PCLO: variants seen among roughly 807,000 people sequenced by gnomAD.
PCLO encodes the protein piccolo presynaptic cytomatrix protein.
Under a neutral mutation model 427.5 loss-of-function variants are expected in PCLO, and 82 were observed. The observed-to-expected ratio is 0.19, with a 90% CI of 0.16 to 0.23. The LOEUF is 0.23. Among genes scored for constraint, PCLO ranks in the 10% least tolerant of loss-of-function variants. The pLI, the probability that PCLO is intolerant of heterozygous loss-of-function variation, is 1.00. For missense variants in PCLO, 6,239 were observed against 6,115.9 expected, an observed-to-expected ratio of 1.02 and a Z score of -0.67; for synonymous variants, 2,357 against 2,155.4, an observed-to-expected ratio of 1.09 and a Z score of -2.59.
Position 83,001,451 on chromosome 7 carries a change from G to GA in PCLO, c.3301-34965dup, listed in dbSNP as rs201764463. 2.8e-3 allele frequency among the ~76,000 whole-genome samples: 419 copies of GA among 148,642 alleles called. 2 individuals carry two copies. The highest frequency in any genetic ancestry group is 9.7e-3 in the African/African-American group (391 of 40,258). ...GAATACATTAGCAGGTATGTCTAATGAAAAAAAAATCAAGGCTGTGCTGAA... is the reference window on the plus strand; with the variant it reads ...GAATACATTAGCAGGTATGTCTAATGAAAAAAAAAATCAAGGCTGTGCTGAA... On this transcript the variant is annotated intron_variant, in intron 3 of 24. Coordinates refer to ENST00000333891, the MANE Select transcript of PCLO (RefSeq NM_033026.6).
At chr7:83,026,753 G>A (rs1788509752) in intron 3 of PCLO, among the ~76,000 whole-genome samples, 1 of 151,602 alleles carries the variant, frequency 6.6e-6, no homozygotes, top group Non-Finnish European at 1.5e-5. Context: ...ATAACAAACT[G>A]TCTCTCAGAC....
intron 10 of PCLO, among the ~76,000 whole-genome samples, chr7:82,872,827 T>C (rs1458882802): frequency 2.6e-5 from 4 of 152,164 alleles, no homozygotes; most frequent in Non-Finnish European, 2.9e-5. Flanking sequence ...TAGAGTTACA[T>C]GTACGTTTTG....
chr7:83,031,599 G>C lies in PCLO; in HGVS notation c.3301-65112C>G, dbSNP rs574149044. On this transcript the variant is annotated intron_variant, in intron 3 of 24. Transcript: ENST00000333891. ...GTCTGAACAAATGGAAAGACATTCAGAACAGTCTTCAGAATCAGATTCTAA... is the reference window on the plus strand; with the variant it reads ...GTCTGAACAAATGGAAAGACATTCACAACAGTCTTCAGAATCAGATTCTAA... Among the ~76,000 whole-genome samples, 6 of 152,244 alleles carry C rather than the reference G, an allele frequency of 3.9e-5. No individual in the cohort carries two copies. In the South Asian group the frequency reaches 1.2e-3, roughly 32 times the overall value.
At chr7:82,874,170 A>AC (rs1275939727) in intron 10 of PCLO, among the ~76,000 whole-genome samples, 28 of 140,464 alleles carry the variant, frequency 2.0e-4, no homozygotes, top group African/African-American at 7.2e-4. Context: ...TTGAAAACAA[A>AC]GGTTTTTTTT....
At chr7:83,047,002 G>C (rs528386442) in intron 3 of PCLO, among the ~76,000 whole-genome samples, 44 of 152,118 alleles carry the variant, frequency 2.9e-4, no homozygotes, top group Non-Finnish European at 5.2e-4. Context: ...GCTAGGTATA[G>C]TATCTTAACC....
At chr7:82,790,352 C>T (rs1001945747) in intron 22 of PCLO, among the ~76,000 whole-genome samples, 1 of 152,132 alleles carries the variant, frequency 6.6e-6, no homozygotes. Flanking sequence ...CTATCTTGCA[C>T]TACTCCCTCC....
At chr7:83,095,441 T>C (rs1282285545) in intron 3 of PCLO, among the ~76,000 whole-genome samples, 2 of 151,856 alleles carry the variant, frequency 1.3e-5, no homozygotes, top group Non-Finnish European at 1.5e-5. Flanking sequence ...TGATTCCTGC[T>C]CTTTATTATT....
At chr7:82,788,794 A>C (rs1791038862) in intron 22 of PCLO, among the ~76,000 whole-genome samples, 1 of 151,814 alleles carries the variant, frequency 6.6e-6, no homozygotes, top group African/African-American at 2.4e-5. Flanking sequence ...AAGTAACATA[A>C]AATTGTGTAT....
Position 82,945,116 on chromosome 7 carries a change from G to C in PCLO, c.11112+4360C>G, listed in dbSNP as rs151009952. Among the ~76,000 whole-genome samples the C allele has an allele frequency of 4.6e-4, 70 of 152,066 alleles. 1 individual carries two copies. The highest frequency in any genetic ancestry group is 1.6e-3 in the African/African-American group (67 of 41,504). ...AATTCTGACTGTGTTTGTGTCTCTT[G>C]GGATTTTTTTTTTCTGTGGAGTAAA... is the stretch of plus-strand genomic sequence containing the variant. On this transcript the variant is annotated intron_variant, in intron 6 of 24. Coordinates refer to ENST00000333891, the MANE Select transcript of PCLO (RefSeq NM_033026.6).
At chr7:82,910,914 T>C (rs1794305583) in intron 7 of PCLO, among the ~76,000 whole-genome samples, 1 of 152,164 alleles carries the variant, frequency 6.6e-6, no homozygotes, top group South Asian at 2.1e-4. Flanking sequence ...ACACTACTTT[T>C]GTCTTACTTC....
chr7:82,820,392 C>A, intron 20 of PCLO: 1 of 459,472 alleles, frequency 2.2e-6, no homozygotes, highest in Non-Finnish European at 3.0e-6. Flanking sequence ...TAATTAAAAT[C>A]TATTGCAACG....
chr7:82,833,012 T>C (rs180931048), intron 16 of PCLO, among the ~76,000 whole-genome samples: 5 of 152,306 alleles, frequency 3.3e-5, no homozygotes, highest in South Asian at 2.1e-4. Flanking sequence ...ACATTGTCAA[T>C]TGTAACCCCT....
At chr7:83,018,308 C>T (rs1788259297) in intron 3 of PCLO, among the ~76,000 whole-genome samples, 6 of 151,724 alleles carry the variant, frequency 4.0e-5, no homozygotes, top group Admixed American at 4.0e-4. Context: ...TAGATACATA[C>T]AGAATGTCAG....
chr7:82,825,222 A>G (rs1482230070), intron 18 of PCLO, among the ~76,000 whole-genome samples: 4 of 152,110 alleles, frequency 2.6e-5, no homozygotes, highest in Non-Finnish European at 5.9e-5. Flanking sequence ...CTGACATCTT[A>G]GATATGATGA....
In PCLO at chr7:82,953,213, A is replaced by G. The variant is rs368873675; in HGVS notation, c.7740T>C (p.Tyr2580=). The change falls in exon 5 of 25, where the codon TAT becomes TAC. Residue 2580 remains tyrosine, a synonymous_variant. Transcript: ENST00000333891. The stretch of plus-strand genomic sequence containing the variant: ...GTTCAGATGGCAATGTAATAACTAC[A>G]TAAGTTTCTGTGAGGGATTTGGAAA... ...PRFSKSLTET[Y]VVITLPSEPG... is the part of the protein sequence containing the mutation. The G allele has an allele frequency of 9.5e-4, 1,526 of 1,613,980 alleles. 13 individuals carry two copies. The highest frequency in any genetic ancestry group is 7.6e-3 in the South Asian group (690 of 91,088).
At position 82,915,520 on chromosome 7, in the gene PCLO, T is replaced by G; in HGVS notation, c.12466A>C (p.Arg4156=). Residue 4156 remains arginine (R), a synonymous_variant, in exon 7 of 25, where the codon AGA becomes CGA. Transcript: ENST00000333891. ...TACTTCTCAGATTTTGGAAAATGTC[T>G]GTAGCTAGTATCAGCATGGTAATAA... The part of the protein sequence containing the change: ...SHYYHADTSY[R]HFPKSEKYSI... 6.2e-7 allele frequency: 1 copy of G among 1,613,746 alleles called. No homozygotes were observed. Among genetic ancestry groups the G allele is most frequent in the South Asian group, 1.1e-5 (1 of 91,080 alleles).
intron 2 of PCLO, among the ~76,000 whole-genome samples, chr7:83,148,359 C>T (rs1792045963): frequency 6.6e-6 from 1 of 152,200 alleles, no homozygotes. Flanking sequence ...TTCTTCATAA[C>T]ACATTGTCAT....
intron 6 of PCLO, among the ~76,000 whole-genome samples, chr7:82,917,782 C>T (rs1204405173): frequency 6.6e-6 from 1 of 151,604 alleles, no homozygotes; most frequent in Non-Finnish European, 1.5e-5. Context: ...TATTATAATC[C>T]AAATACATTA....
chr7:82,889,916 T>C (rs904447432), intron 9 of PCLO, among the ~76,000 whole-genome samples: 1 of 151,990 alleles, frequency 6.6e-6, no homozygotes, highest in African/African-American at 2.4e-5. Context: ...TGTGCACATG[T>C]GTGTAAAAAA....
Sources: gnomAD v4.1 joint callset for allele counts (sites outside exome capture counted in the v4.1 genomes callset) on GRCh38, gnomAD v4.1.1 for gene constraint, MANE v1.5 for transcripts, NCBI Gene and HGNC (gene_info 2026-07-23, HGNC 2026-07-21) for gene names.